ANKRD24: variants seen among roughly 807,000 people sequenced by gnomAD.
ANKRD24 encodes the protein ankyrin repeat domain 24.
In ANKRD24, 109 loss-of-function variants were observed where a neutral mutation model predicts 127.8. The observed-to-expected ratio is 0.85, with a 90% CI of 0.73 to 1.00. The LOEUF is 1.00. Among genes scored for constraint, ANKRD24 ranks in the 50% least tolerant of loss-of-function variants. The pLI is 0.00. For missense variants in ANKRD24, 1,648 were observed against 1,570.2 expected, an observed-to-expected ratio of 1.05 and a Z score of -0.84; for synonymous variants, 743 against 671.1, an observed-to-expected ratio of 1.11 and a Z score of -1.66.
At chr19:4,213,252 T>TCCC (rs1462821892) in intron 15 of ANKRD24, among the ~76,000 whole-genome samples, 6 of 91,408 alleles carry the variant, frequency 6.6e-5, no homozygotes, top group African/African-American at 2.3e-4. Context: ...CTTCCTTCCT[T>TCCC]TCCTTCTTTC....
intron 8 of ANKRD24, 39 bp from the exon 9 acceptor site, chr19:4,207,462 A>G (rs1305515765): frequency 1.9e-6 from 3 of 1,600,096 alleles, no homozygotes; most frequent in African/African-American, 1.3e-5. Context: ...CCCGGGGGTC[A>G]GTTTCTCATG....
rs538860718 is a variant in ANKRD24, at chr19:4,202,036, C to T, written c.354C>T (p.Ala118=). The stretch of plus-strand genomic sequence containing the variant: ...TCTTTCCTTCCCCAGGTTACAATGC[C>T]CTCCACCTGGCCGCCAAATACGGGC... ...VMSADGAGYN[A]LHLAAKYGHP... is the part of the protein sequence containing the mutation. Residue 118 remains alanine (A), a synonymous_variant, in exon 6 of 22, where the codon GCC becomes GCT. Transcript: ENST00000318934. The T allele has an allele frequency of 1.2e-5, 20 of 1,613,846 alleles. No individual in the cohort carries two copies. In the East Asian group the frequency reaches 4.2e-4, roughly 34 times the overall value.
rs545850549 is a variant in ANKRD24 at position 4,194,433 on chromosome 19, G to A, written c.37-5250G>A. 4.6e-5 allele frequency among the ~76,000 whole-genome samples: 7 copies of A among 152,282 alleles called. No homozygotes were observed. The South Asian group carries it at 1.0e-3, about 23-fold the overall frequency. ...CTCCCAAAGTGCTGAGATTGTAGGC[G>A]TGAACCACCGCACCTAGCCAGAAAT... On this transcript the variant is annotated intron_variant, in intron 2 of 21. Coordinates refer to ENST00000318934, the MANE Select transcript of ANKRD24 (RefSeq NM_001393985.1).
intron 19 of ANKRD24, 106 bp from the exon 20 acceptor site, chr19:4,222,564 C>T: frequency 7.4e-7 from 1 of 1,346,138 alleles, no homozygotes; most frequent in Non-Finnish European, 9.7e-7. Context: ...GGGACGGGAC[C>T]TTCCCTTGAA....
At chr19:4,188,377 CAT>C (rs1491183402) in intron 2 of ANKRD24, among the ~76,000 whole-genome samples, 2 of 110,052 alleles carry the variant, frequency 1.8e-5, no homozygotes, top group East Asian at 3.6e-4. Flanking sequence ...ACGCTTGGTC[CAT>C]TTTTTTTTTT....
chr19:4,217,072 A>G lies in ANKRD24; in HGVS notation c.1912A>G (p.Met638Val), dbSNP rs776373172. The change falls in exon 18 of 22, where the codon ATG becomes GTG. Residue 638 changes from methionine (M) to valine (V), a missense_variant. Physicochemically the swap from Met to Val is conservative, Grantham distance 21. Coordinates refer to ENST00000318934, the MANE Select transcript of ANKRD24 (RefSeq NM_001393985.1). ...CACAGAGACCACGGGAGTGGAGGCC[A>G]TGGGGGTGGAGGCCACAAAAACAAA... ...TDTETTGVEA[M>V]GVEATKTKAE... 1.2e-6 allele frequency: 2 copies of G among 1,613,710 alleles called. No homozygotes were observed. The highest frequency in any genetic ancestry group is 1.7e-5 in the Admixed American group (1 of 59,944).
chr19:4,190,706 C>T (rs1599395438), intron 2 of ANKRD24, among the ~76,000 whole-genome samples: 2 of 152,276 alleles, frequency 1.3e-5, no homozygotes, highest in Non-Finnish European at 2.9e-5. Flanking sequence ...GCACGATTGC[C>T]CAGCCTGGGT....
At chr19:4,219,812 T>A in intron 19 of ANKRD24, 54 bp downstream of exon 19, 1 of 1,518,120 alleles carries the variant, frequency 6.6e-7, no homozygotes, top group Non-Finnish European at 8.9e-7. Flanking sequence ...CAGCAAAGGT[T>A]GGGGCCAATC....
intron 6 of ANKRD24, among the ~76,000 whole-genome samples, chr19:4,202,322 C>G (rs140767667): frequency 1.4e-4 from 21 of 152,302 alleles, no homozygotes; most frequent in African/African-American, 5.1e-4. Flanking sequence ...AATCCCAGCA[C>G]TTTGGGAGGC....
At chr19:4,214,089 C>T (rs937948387) in intron 15 of ANKRD24, among the ~76,000 whole-genome samples, 10 of 152,222 alleles carry the variant, frequency 6.6e-5, no homozygotes, top group African/African-American at 1.9e-4. Flanking sequence ...TCATCACACA[C>T]GCATGCATTG....
chr19:4,187,591 C>T (rs1243720427), intron 2 of ANKRD24, among the ~76,000 whole-genome samples: 1 of 152,152 alleles, frequency 6.6e-6, no homozygotes, highest in Admixed American at 6.6e-5. Context: ...TCCATTGTCC[C>T]CATTCTTCTC....
intron 18 of ANKRD24, among the ~76,000 whole-genome samples, chr19:4,218,480 A>G (rs1435484767): frequency 6.6e-6 from 1 of 151,604 alleles, no homozygotes; most frequent in African/African-American, 2.4e-5. Context: ...TTGTATTTTT[A>G]GTAGAGATGG....
rs541726194 is a variant in ANKRD24 at position 4,210,324 on chromosome 19, G to A, written c.1011G>A (p.Leu337=). The A allele has an allele frequency of 7.6e-6, 12 of 1,580,990 alleles. No homozygotes were observed. In the Admixed American group the frequency reaches 1.3e-4, roughly 17 times the overall value. ...TGCGGCAGGAGAGGGGCCGCCTCCT[G>A]CAGAAGATCCGGGGCCTGGAACAGC... is the stretch of plus-strand genomic sequence containing the variant. ...VRLRQERGRL[L]QKIRGLEQHK... is the part of the protein sequence containing the mutation. Residue 337 remains leucine (L), a synonymous_variant, in exon 13 of 22, where the codon CTG becomes CTA. Transcript: ENST00000318934.
rs150562273 is a variant in ANKRD24, at chr19:4,207,009, G to A, written c.467-233G>A. 1.2e-3 allele frequency: 687 copies of A among 567,096 alleles called. 8 individuals carry two copies. In the East Asian group the frequency reaches 0.018, roughly 15 times the overall value. The allele number at this position is 567,096 out of a possible 1,614,324, so 35.1% of individuals were successfully genotyped here. A position where few individuals can be genotyped will look rare whatever the true frequency, so the allele number is the denominator to read the frequency against. On this transcript the variant is annotated intron_variant, in intron 7 of 21. Coordinates refer to ENST00000318934, the MANE Select transcript of ANKRD24 (RefSeq NM_001393985.1). ...CAGCCTTGAACTCCTGAGCTCAAGC[G>A]GTCCTCCCGCTTCAGCTGGGGACTC...
chr19:4,206,173 AAATAAATAAAATT>A (rs1456196174), intron 7 of ANKRD24, among the ~76,000 whole-genome samples: 115 of 139,918 alleles, frequency 8.2e-4, no homozygotes, highest in Non-Finnish European at 9.4e-5. Context: ...ATAAATAAAT[AAATAAATAAAATT>A]AAATAAATAC....
At chr19:4,183,450 C>A in intron 1 of ANKRD24, 1 of 691,628 alleles carries the variant, frequency 1.4e-6, no homozygotes, top group Non-Finnish European at 1.8e-6. Flanking sequence ...GCCCTGGTGG[C>A]TGCGGGTGGA....
At position 4,217,988 on chromosome 19, in the gene ANKRD24, C is replaced by T. The variant is rs557417575; in HGVS notation, c.2828C>T (p.Thr943Met). 9.8e-6 allele frequency: 15 copies of T among 1,526,098 alleles called. No homozygotes were observed. The highest frequency in any genetic ancestry group is 2.6e-5 in the East Asian group (1 of 38,656). 94.5% of individuals were successfully genotyped at this position (1,526,098 alleles called of 1,614,324 possible). A position where few individuals can be genotyped will look rare whatever the true frequency, so the allele number is the denominator to read the frequency against. Residue 943 changes from threonine to methionine, a missense_variant, in exon 18 of 22, where the codon ACG becomes ATG. By Grantham distance (81) the Thr-to-Met change is moderately conservative. Coordinates refer to ENST00000318934, the MANE Select transcript of ANKRD24 (RefSeq NM_001393985.1). ...AGTCTGGAGCAGGAGGTGGTGGCCA[C>T]GGGCAAGGAGGCCGCCCGGCTGCGC... ...AASLEQEVVA[T>M]GKEAARLRAE...
Position 4,195,207 on chromosome 19 carries a change from G to A in ANKRD24, c.37-4476G>A, listed in dbSNP as rs977306055. On this transcript the variant is annotated intron_variant, in intron 2 of 21. Coordinates refer to ENST00000318934, the MANE Select transcript of ANKRD24 (RefSeq NM_001393985.1). This position sits in a 1 kb window ranked among gnomAD's most constrained non-coding sequence, Gnocchi z 4.2. ...CCTGCCTCAGTCTCCCGAGTAGCTG[G>A]GACTACAGGCGCCCACCACCACGCC... 3.9e-5 allele frequency among the ~76,000 whole-genome samples: 6 copies of A among 151,950 alleles called. No individual in the cohort carries two copies. Among genetic ancestry groups the A allele is most frequent in the African/African-American group, 1.5e-4 (6 of 41,356 alleles).
chr19:4,209,807 T>C (rs1969603292), intron 11 of ANKRD24, among the ~76,000 whole-genome samples: 1 of 152,144 alleles, frequency 6.6e-6, no homozygotes. Context: ...GTGTGGGCAA[T>C]GTGGTCTAGC....
Sources: allele counts gnomAD v4.1 joint callset (sites outside exome capture counted in the v4.1 genomes callset), GRCh38; gene constraint gnomAD v4.1.1; non-coding constraint Gnocchi (gnomAD v3.1); transcripts MANE v1.5; gene names NCBI Gene and HGNC (gene_info 2026-07-23, HGNC 2026-07-21).